Variants in TMEM132B observed in about 807,000 individuals in gnomAD.
The protein encoded by TMEM132B is transmembrane protein 132B.
Under a neutral mutation model 90.8 loss-of-function variants are expected in TMEM132B, and 18 were observed. The observed-to-expected ratio is 0.20, with a 90% confidence interval of 0.14 to 0.29. The LOEUF is 0.29. Ranked by LOEUF, TMEM132B falls within the 10% of genes least tolerant of loss-of-function variation. TMEM132B has a pLI of 1.00. For missense variants in TMEM132B, 1,096 were observed against 1,326.8 expected, an observed-to-expected ratio of 0.83 and a Z score of 2.70; for synonymous variants, 504 against 523.3, an observed-to-expected ratio of 0.96 and a Z score of 0.50.
chr12:125,659,682 A>C lies in TMEM132B; in HGVS notation c.*4972A>C, dbSNP rs1887160463. The C allele has an allele frequency of 6.6e-6, 1 of 152,226 alleles. No individual in the cohort carries two copies. Among genetic ancestry groups the C allele is most frequent in the Admixed American group, 6.5e-5 (1 of 15,286 alleles). 9.4% of individuals were successfully genotyped at this position (152,226 alleles called of 1,614,324 possible). The stretch of plus-strand genomic sequence containing the variant: ...AATGCTACTCCTTGCTTTTAGGATG[A>C]ATAGGGATGCCTCTTTGGCGATAAT... On this transcript the variant is annotated 3_prime_UTR_variant, in exon 9 of 9. Coordinates refer to ENST00000682704, the MANE Select transcript of TMEM132B (RefSeq NM_001366854.1).
intron 2 of TMEM132B, among the ~76,000 whole-genome samples, chr12:125,361,122 C>A (rs1366220769): frequency 1.3e-5 from 2 of 152,142 alleles, no homozygotes; most frequent in African/African-American, 4.8e-5. Flanking sequence ...AGACACACTA[C>A]AGGGACACGC....
At chr12:125,301,942 C>CT (rs1377667773) in intron 1 of TMEM132B, 1 of 151,708 alleles carries the variant, frequency 6.6e-6, no homozygotes, top group Non-Finnish European at 1.5e-5. Context: ...TGGCTCATGC[C>CT]TGTAATCCCA....
chr12:125,369,772 G>T (rs1461497686), intron 2 of TMEM132B, among the ~76,000 whole-genome samples: 1 of 152,178 alleles, frequency 6.6e-6, no homozygotes, highest in African/African-American at 2.4e-5. Context: ...TTAATGGGCC[G>T]GGCGTGGTGG....
intron 3 of TMEM132B, among the ~76,000 whole-genome samples, chr12:125,514,851 C>T (rs1764331246): frequency 6.6e-6 from 1 of 152,172 alleles, no homozygotes; most frequent in Non-Finnish European, 1.5e-5. Context: ...GTTAGGTGCC[C>T]TGTCCCTCTC....
At chr12:125,478,693 T>G (rs887812155) in intron 3 of TMEM132B, among the ~76,000 whole-genome samples, 34 of 152,128 alleles carry the variant, frequency 2.2e-4, no homozygotes, top group Non-Finnish European at 7.4e-5. Context: ...CTCTTCAGGA[T>G]ATTATCGAGG....
At chr12:125,298,471 C>T (rs1318064079) in intron 1 of TMEM132B, among the ~76,000 whole-genome samples, 2 of 151,462 alleles carry the variant, frequency 1.3e-5, no homozygotes, top group Non-Finnish European at 1.5e-5. Context: ...ATCAGGGGTT[C>T]GAGAGCAGCC....
At chr12:125,627,720 T>C (rs968854172) in intron 5 of TMEM132B, among the ~76,000 whole-genome samples, 1 of 152,110 alleles carries the variant, frequency 6.6e-6, no homozygotes, top group Non-Finnish European at 1.5e-5. Flanking sequence ...TATTATTGAC[T>C]ATAATCATAG....
rs145901831 is a variant in TMEM132B at position 125,408,961 on chromosome 12, G to A, written c.960-6570G>A. Reference sequence around the variant, plus strand: ...ACTGCACAAGGGGATACACCAGAGTGGATTGTTAATAATAATAGTGATAAT... The same window carrying A: ...ACTGCACAAGGGGATACACCAGAGTAGATTGTTAATAATAATAGTGATAAT... On this transcript the variant is annotated intron_variant, in intron 2 of 8. Transcript: ENST00000682704. The surrounding 1 kb of genome is among the most constrained non-coding windows in gnomAD (Gnocchi z 5.9). Among the ~76,000 whole-genome samples the A allele has an allele frequency of 2.6e-5, 4 of 152,106 alleles. No homozygotes were observed. The highest frequency in any genetic ancestry group is 4.8e-5 in the African/African-American group (2 of 41,482).
At chr12:125,645,465 G>A (rs1387949566) in intron 6 of TMEM132B, among the ~76,000 whole-genome samples, 1 of 152,222 alleles carries the variant, frequency 6.6e-6, no homozygotes. Flanking sequence ...AGAACAACGT[G>A]ATGATGTACT....
chr12:125,643,595 C>G (rs1366137368), intron 5 of TMEM132B, among the ~76,000 whole-genome samples: 1 of 152,146 alleles, frequency 6.6e-6, no homozygotes, highest in Non-Finnish European at 1.5e-5. Flanking sequence ...AACTATTTTG[C>G]CTACCAGGAT....
intron 3 of TMEM132B, among the ~76,000 whole-genome samples, chr12:125,441,512 A>G (rs1880870192): frequency 6.6e-6 from 1 of 152,224 alleles, no homozygotes; most frequent in Non-Finnish European, 1.5e-5. Flanking sequence ...AAATGCAAAC[A>G]TGGCGAGTTT....
At chr12:125,422,553 C>T (rs150516269) in intron 3 of TMEM132B, among the ~76,000 whole-genome samples, 32 of 152,312 alleles carry the variant, frequency 2.1e-4, no homozygotes, top group African/African-American at 7.0e-4. Context: ...TGTCCTCCTC[C>T]CCAGAACTTG....
intron 4 of TMEM132B, among the ~76,000 whole-genome samples, chr12:125,544,230 C>T (rs1566068752): frequency 6.6e-6 from 1 of 152,076 alleles, no homozygotes; most frequent in African/African-American, 2.4e-5. Flanking sequence ...GGAAAAATAC[C>T]TAATGCATGC....
chr12:125,188,531 C>A (rs1386989544), intron 1 of TMEM132B, among the ~76,000 whole-genome samples: 3 of 148,452 alleles, frequency 2.0e-5, no homozygotes, highest in African/African-American at 7.5e-5. Flanking sequence ...GATGGTCCCC[C>A]TACCACCCCC....
intron 3 of TMEM132B, among the ~76,000 whole-genome samples, chr12:125,505,660 T>C (rs896976722): frequency 6.6e-6 from 1 of 150,880 alleles, no homozygotes; most frequent in Non-Finnish European, 1.5e-5. Flanking sequence ...ATCACACCAC[T>C]GTGCTCAAGC....
At chr12:125,652,215 A>G (rs1886939936) in intron 7 of TMEM132B, among the ~76,000 whole-genome samples, 2 of 152,262 alleles carry the variant, frequency 1.3e-5, no homozygotes, top group South Asian at 4.1e-4. Flanking sequence ...TACTGCTGTT[A>G]TCATGACATA....
chr12:125,429,501 C>T (rs112214910), intron 3 of TMEM132B, among the ~76,000 whole-genome samples: 2,617 of 152,130 alleles, frequency 0.017, 69 homozygotes, highest in African/African-American at 0.051. Flanking sequence ...CCACCGTGCC[C>T]GGCCCTAATG....
chr12:125,532,027 G>A (rs114601693), intron 4 of TMEM132B, among the ~76,000 whole-genome samples: 2,392 of 152,278 alleles, frequency 0.016, 31 homozygotes, highest in African/African-American at 0.04. Context: ...CTGTTATGCC[G>A]TTTCCTAACT....
chr12:125,333,174 T>C (rs1329414842), intron 1 of TMEM132B, among the ~76,000 whole-genome samples: 2 of 152,188 alleles, frequency 1.3e-5, no homozygotes, highest in Non-Finnish European at 2.9e-5. Flanking sequence ...TCCCCCCAAC[T>C]CTTCCCGTCT....
Sources: allele counts gnomAD v4.1 joint callset (sites outside exome capture counted in the v4.1 genomes callset), GRCh38; gene constraint gnomAD v4.1.1; non-coding constraint Gnocchi (gnomAD v3.1); transcripts MANE v1.5; gene names NCBI Gene and HGNC (gene_info 2026-07-23, HGNC 2026-07-21).